Variants in PIK3C2G observed in about 807,000 individuals in gnomAD.
PIK3C2G encodes phosphatidylinositol-4-phosphate 3-kinase catalytic subunit type 2 gamma.
In PIK3C2G, 168 loss-of-function variants were observed where a neutral mutation model predicts 181.1. That is an observed-to-expected ratio of 0.93 (90% CI 0.82 to 1.05). The LOEUF (loss-of-function observed/expected upper bound fraction) is 1.05, where lower values mean the gene tolerates loss of function less well. Ranked by LOEUF, PIK3C2G falls within the 50% of genes least tolerant of loss-of-function variation. The pLI is 0.00. For missense variants in PIK3C2G, 1,869 were observed against 1,732.8 expected, an observed-to-expected ratio of 1.08 and a Z score of -1.40; for synonymous variants, 573 against 592.2, an observed-to-expected ratio of 0.97 and a Z score of 0.47.
At chr12:18,352,795 CTTT>C (rs1202549989) in intron 11 of PIK3C2G, among the ~76,000 whole-genome samples, 13 of 152,124 alleles carry the variant, frequency 8.5e-5, no homozygotes, top group Non-Finnish European at 1.9e-4. Context: ...CCAAACTCTT[CTTT>C]GAGATCCCGC....
chr12:18,353,967 A>G (rs1440169380), intron 11 of PIK3C2G, among the ~76,000 whole-genome samples: 1 of 152,192 alleles, frequency 6.6e-6, no homozygotes, highest in East Asian at 1.9e-4. Flanking sequence ...ATTGAGATCC[A>G]TTCCAGGGTC....
intron 24 of PIK3C2G, among the ~76,000 whole-genome samples, chr12:18,507,689 G>A (rs915071661): frequency 7.2e-5 from 11 of 151,796 alleles, no homozygotes; most frequent in Non-Finnish European, 1.3e-4. Flanking sequence ...TAATTTTGAT[G>A]TTTTGTACAC....
At chr12:18,476,923 C>T (rs1214749824) in intron 18 of PIK3C2G, among the ~76,000 whole-genome samples, 1 of 151,934 alleles carries the variant, frequency 6.6e-6, no homozygotes, top group Non-Finnish European at 1.5e-5. Flanking sequence ...CTAGGGCTTC[C>T]TAGAATACCA....
At chr12:18,657,329 A>G in the PIK3C2G span, among the ~76,000 whole-genome samples, 1 of 152,160 alleles carries the variant, frequency 6.6e-6, no homozygotes, top group Non-Finnish European at 1.5e-5. Flanking sequence ...AGATGACCAT[A>G]TATGTGCCCA....
chr12:18,432,300 G>A (rs1005696610), intron 18 of PIK3C2G, among the ~76,000 whole-genome samples: 57 of 152,078 alleles, frequency 3.7e-4, no homozygotes, highest in Non-Finnish European at 4.3e-4. Flanking sequence ...CTTCTATTTT[G>A]TTAAGAAAAA....
At chr12:18,614,365 T>C (rs1257679034) in intron 31 of PIK3C2G, among the ~76,000 whole-genome samples, 1 of 152,098 alleles carries the variant, frequency 6.6e-6, no homozygotes, top group African/African-American at 2.4e-5. Context: ...TTTAATGAAA[T>C]AAACCATTAA....
At chr12:18,601,576 C>CTA (rs1947716393) in intron 30 of PIK3C2G, among the ~76,000 whole-genome samples, 3 of 151,926 alleles carry the variant, frequency 2.0e-5, no homozygotes, top group Admixed American at 1.3e-4. Context: ...TGTAGGATGA[C>CTA]TATAGTTAAT....
At chr12:18,362,961 A>AAGG in intron 12 of PIK3C2G, 75 bp downstream of exon 12, 1 of 1,210,120 alleles carries the variant, frequency 8.3e-7, no homozygotes, top group Non-Finnish European at 1.1e-6. Flanking sequence ...TTTAAAAGCA[A>AAGG]GGGATGTAAT....
At chr12:18,286,724 T>C (rs1949460590) in intron 2 of PIK3C2G, 123 bp from the exon 3 acceptor site, 7 of 577,760 alleles carry the variant, frequency 1.2e-5, no homozygotes, top group Non-Finnish European at 1.8e-5. Context: ...CTTCAATTTT[T>C]AAAAAATCTA....
chr12:18,441,567 C>T (rs964431940), intron 18 of PIK3C2G, among the ~76,000 whole-genome samples: 1 of 152,016 alleles, frequency 6.6e-6, no homozygotes, highest in Admixed American at 6.6e-5. Context: ...AAAGTCCATA[C>T]ATAGTAAGAG....
At chr12:18,292,230 ATAT>A (rs1565563015) in intron 4 of PIK3C2G, among the ~76,000 whole-genome samples, 70 of 98,314 alleles carry the variant, frequency 7.1e-4, no homozygotes, top group African/African-American at 2.7e-3. Flanking sequence ...AAAAAAAAAT[ATAT>A]ATATATATAT....
At chr12:18,722,451 A>G in the PIK3C2G span, among the ~76,000 whole-genome samples, 2 of 152,096 alleles carry the variant, frequency 1.3e-5, no homozygotes, top group Admixed American at 1.3e-4. Flanking sequence ...AAACTACATT[A>G]TCATGTGTTA....
intron 18 of PIK3C2G, among the ~76,000 whole-genome samples, chr12:18,476,783 T>G (rs10743273): frequency 6.6e-6 from 1 of 151,316 alleles, no homozygotes; most frequent in Non-Finnish European, 1.5e-5. Context: ...TTGGGGAGAA[T>G]GATGATGAAA....
rs573017595 is a variant in PIK3C2G at position 18,256,390 on chromosome 12, T to G, written c.-79+8308T>G. 1.1e-4 allele frequency among the ~76,000 whole-genome samples: 17 copies of G among 152,268 alleles called. No homozygotes were observed. In the South Asian group the frequency reaches 3.1e-3, roughly 28 times the overall value. ...GACTATCTTCTTTTATTTACTGGTT[T>G]CTTTGCTTAGCACATTCTGCTCTCC... On this transcript the variant is annotated intron_variant, in intron 1 of 11. Coordinates refer to the PIK3C2G transcript ENST00000535651.
intron 24 of PIK3C2G, among the ~76,000 whole-genome samples, chr12:18,529,407 T>C (rs1353064931): frequency 5.3e-5 from 8 of 152,188 alleles, no homozygotes; most frequent in African/African-American, 1.9e-4. Flanking sequence ...TAAACATTTA[T>C]GATATTTTAC....
rs1945645329 is a variant in PIK3C2G, at chr12:18,566,527, T to C, written c.3903-422T>C. Among the ~76,000 whole-genome samples the C allele has an allele frequency of 3.9e-5, 6 of 152,308 alleles. No individual in the cohort carries two copies. In the South Asian group the frequency reaches 1.2e-3, roughly 32 times the overall value. On this transcript the variant is annotated intron_variant, in intron 28 of 32. Coordinates refer to ENST00000538779, the MANE Select transcript of PIK3C2G (RefSeq NM_001288772.2). Reference sequence around the variant, plus strand: ...AAGAGCAGATGGACGCATATGTCACTTGCTAAAATGCTTAATTTAGTTAGT... The same window carrying C: ...AAGAGCAGATGGACGCATATGTCACCTGCTAAAATGCTTAATTTAGTTAGT...
chr12:18,363,604 A>C (rs932834702), intron 12 of PIK3C2G, among the ~76,000 whole-genome samples: 5 of 151,648 alleles, frequency 3.3e-5, no homozygotes, highest in African/African-American at 9.7e-5. Flanking sequence ...GTATTGCTTC[A>C]CTCAGATCAA....
intron 16 of PIK3C2G, among the ~76,000 whole-genome samples, chr12:18,402,749 C>T (rs1207196239): frequency 6.6e-6 from 1 of 152,034 alleles, no homozygotes; most frequent in Non-Finnish European, 1.5e-5. Context: ...ATCCTCTGAT[C>T]CCTGATAACT....
chr12:18,247,121 T>C (rs1011893229), upstream of PIK3C2G, among the ~76,000 whole-genome samples: 6 of 152,178 alleles, frequency 3.9e-5, no homozygotes, highest in African/African-American at 1.4e-4. Context: ...AAGAGGAAAG[T>C]CTCCTAAGTC....
Sources: allele counts gnomAD v4.1 joint callset (sites outside exome capture counted in the v4.1 genomes callset), GRCh38; gene constraint gnomAD v4.1.1; transcripts MANE v1.5; gene names NCBI Gene and HGNC (gene_info 2026-07-23, HGNC 2026-07-21).